RANBP2: variants seen among roughly 807,000 people sequenced by gnomAD.
The protein encoded by RANBP2 is E3 SUMO-protein ligase RanBP2.
In RANBP2, 57 loss-of-function variants were observed where a neutral mutation model predicts 303.6. The ratio of observed to expected loss-of-function variants is 0.19; its 90% CI spans 0.15 to 0.23. RANBP2 has a LOEUF of 0.23. Ranked by LOEUF, RANBP2 falls within the 10% of genes least tolerant of loss-of-function variation. RANBP2 has a pLI of 1.00. For synonymous variants in RANBP2, 1,167 were observed against 1,301.5 expected (o/e 0.90, Z 2.23); for missense variants, 3,138 against 3,780.8 (o/e 0.83, Z 4.46).
the RANBP2 span, among the ~76,000 whole-genome samples, chr2:109,551,476 A>G: frequency 6.6e-6 from 1 of 152,222 alleles, no homozygotes; most frequent in Non-Finnish European, 1.5e-5. Flanking sequence ...TTCAAAAACA[A>G]AAACAGAAAA....
chr2:108,926,560 C>A, the RANBP2 span, among the ~76,000 whole-genome samples: 1 of 152,236 alleles, frequency 6.6e-6, no homozygotes, highest in African/African-American at 2.4e-5. Flanking sequence ...CCTGCCCCCG[C>A]CATCCAGAAT....
the RANBP2 span, among the ~76,000 whole-genome samples, chr2:109,254,993 T>G: frequency 7.2e-5 from 11 of 152,266 alleles, no homozygotes; most frequent in East Asian, 2.1e-3. Context: ...GTTAGGTTAC[T>G]CCATTAGATC....
At chr2:109,063,748 T>C in the RANBP2 span, among the ~76,000 whole-genome samples, 1 of 152,056 alleles carries the variant, frequency 6.6e-6, no homozygotes, top group Non-Finnish European at 1.5e-5. Flanking sequence ...CGTTATCTAG[T>C]TAGTGGCTTG....
the RANBP2 span, among the ~76,000 whole-genome samples, chr2:109,644,478 G>A: frequency 6.6e-6 from 1 of 152,182 alleles, no homozygotes; most frequent in East Asian, 1.9e-4. Flanking sequence ...AGATCACTAA[G>A]GTAGAGAATA....
the RANBP2 span, among the ~76,000 whole-genome samples, chr2:109,395,145 A>T: frequency 6.6e-6 from 1 of 152,124 alleles, no homozygotes; most frequent in Admixed American, 6.5e-5. Flanking sequence ...AGTGCCTGGG[A>T]CTCCGCAGGC....
chr2:109,062,403 C>T, the RANBP2 span, among the ~76,000 whole-genome samples: 81 of 152,234 alleles, frequency 5.3e-4, 1 homozygote, highest in Non-Finnish European at 1.6e-4. Context: ...TCAACCAGAC[C>T]GCATTGGAGG....
At chr2:108,780,731 C>T (rs1437968556) in intron 25 of RANBP2, among the ~76,000 whole-genome samples, 35 of 147,342 alleles carry the variant, frequency 2.4e-4, no homozygotes, top group African/African-American at 7.8e-4. Context: ...TTTTTTGAGA[C>T]GGAGTTTCAC....
At chr2:109,407,881 G>A in the RANBP2 span, among the ~76,000 whole-genome samples, 1 of 152,172 alleles carries the variant, frequency 6.6e-6, no homozygotes, top group Non-Finnish European at 1.5e-5. Context: ...CCTGTGACCT[G>A]GCGTCCTGAT....
At chr2:109,030,839 C>T in the RANBP2 span, among the ~76,000 whole-genome samples, 2 of 152,142 alleles carry the variant, frequency 1.3e-5, no homozygotes, top group African/African-American at 2.4e-5. Context: ...CCTTCTGCCT[C>T]GGCCTCCAGA....
the RANBP2 span, among the ~76,000 whole-genome samples, chr2:109,688,711 G>A: frequency 1.4e-5 from 2 of 148,020 alleles, no homozygotes; most frequent in African/African-American, 5.0e-5. Flanking sequence ...CCCGGCAGGC[G>A]GAGGTTGCAG....
the RANBP2 span, among the ~76,000 whole-genome samples, chr2:108,931,354 A>G: frequency 6.6e-6 from 1 of 152,168 alleles, no homozygotes; most frequent in Non-Finnish European, 1.5e-5. Context: ...GCCTTACATG[A>G]GCTTTAAGTC....
chr2:108,836,011 G>A, the RANBP2 span, among the ~76,000 whole-genome samples: 10 of 152,118 alleles, frequency 6.6e-5, no homozygotes, highest in Admixed American at 1.3e-4. Context: ...TTATAATGCC[G>A]TTAATCCATT....
chr2:109,039,808 T>A, the RANBP2 span, among the ~76,000 whole-genome samples: 3 of 152,296 alleles, frequency 2.0e-5, no homozygotes, highest in East Asian at 5.8e-4. Context: ...TTGAGCTTTT[T>A]TTCTATTTGT....
At chr2:109,733,179 T>TAAA in the RANBP2 span, 29 of 146,132 alleles carry the variant, frequency 2.0e-4, no homozygotes, top group East Asian at 9.6e-4. Context: ...CTAGGTCAAA[T>TAAA]GAAAAAAAAA....
At chr2:108,791,497 A>T in the RANBP2 span, 1 of 670,576 alleles carries the variant, frequency 1.5e-6, no homozygotes, top group Non-Finnish European at 2.7e-6. Context: ...GTGGGTTATC[A>T]ATGATCAGTG....
Position 108,784,470 on chromosome 2 carries a change from C to G in RANBP2, c.*569C>G, listed in dbSNP as rs1302808226. 6.5e-6 allele frequency: 1 copy of G among 152,684 alleles called. No homozygotes were observed. The highest frequency in any genetic ancestry group is 6.5e-5 in the Admixed American group (1 of 15,284). The allele number at this position is 152,684 out of a possible 1,614,324, so 9.5% of individuals were successfully genotyped here. On this transcript the variant is annotated 3_prime_UTR_variant, in exon 29 of 29. Transcript: ENST00000283195. ...GGTTACAAGTTAACTTTGTAAGTAG[C>G]GTACCTTCCTTCCTTAAAATATCTA...
At chr2:109,516,177 C>T in the RANBP2 span, among the ~76,000 whole-genome samples, 2 of 152,068 alleles carry the variant, frequency 1.3e-5, no homozygotes, top group Admixed American at 6.5e-5. Flanking sequence ...GCTGAGCCCA[C>T]CAGGCCTCCT....
intron 7 of RANBP2, among the ~76,000 whole-genome samples, chr2:108,742,853 AC>A (rs1696220284): frequency 6.6e-6 from 1 of 152,026 alleles, no homozygotes; most frequent in African/African-American, 2.4e-5. Flanking sequence ...CAGTGGCACG[AC>A]CTCGGCTCAC....
the RANBP2 span, among the ~76,000 whole-genome samples, chr2:109,666,737 G>A: frequency 5.3e-5 from 8 of 152,158 alleles, no homozygotes; most frequent in African/African-American, 1.4e-4. Flanking sequence ...TGACAGTCAA[G>A]ATGAAAAGCT....
Sources: gnomAD v4.1 joint callset for allele counts (sites outside exome capture counted in the v4.1 genomes callset) on GRCh38, gnomAD v4.1.1 for gene constraint, MANE v1.5 for transcripts, NCBI Gene and HGNC (gene_info 2026-07-23, HGNC 2026-07-21) for gene names.